The following SLC4A7 variants were observed in gnomAD, a reference collection of about 807,000 sequenced individuals.
The protein encoded by SLC4A7 is solute carrier family 4 member 7.
Under a neutral mutation model 137.6 loss-of-function variants are expected in SLC4A7, and 51 were observed. The observed-to-expected ratio is 0.37, with a 90% CI of 0.30 to 0.47. The LOEUF is 0.47. Among genes scored for constraint, SLC4A7 ranks in the 20% least tolerant of loss-of-function variants. The pLI is 1.00. For synonymous variants in SLC4A7, 542 were observed against 518.6 expected, an observed-to-expected ratio of 1.05 and a Z score of -0.61; for missense variants, 1,247 against 1,525.4, an observed-to-expected ratio of 0.82 and a Z score of 3.04.
At chr3:27,413,541 T>G (rs1383973102) in intron 11 of SLC4A7, among the ~76,000 whole-genome samples, 3 of 152,142 alleles carry the variant, frequency 2.0e-5, no homozygotes, top group Non-Finnish European at 4.4e-5. Context: ...CTGGGTTGAC[T>G]CCAGGAATTC....
intron 2 of SLC4A7, among the ~76,000 whole-genome samples, chr3:27,449,992 C>A (rs546011359): frequency 6.6e-6 from 1 of 152,112 alleles, no homozygotes; most frequent in Admixed American, 6.6e-5. Flanking sequence ...TACTTGTAAC[C>A]ACAAAATCAA....
At chr3:27,378,054 T>A (rs1188519021) in intron 25 of SLC4A7, among the ~76,000 whole-genome samples, 1 of 152,122 alleles carries the variant, frequency 6.6e-6, no homozygotes, top group Non-Finnish European at 1.5e-5. Context: ...CAATTACTAA[T>A]AGTAAAAAGA....
At position 27,389,982 on chromosome 3, in the gene SLC4A7, G is replaced by A. The variant is rs1464169905; in HGVS notation, c.3309C>T (p.Val1103=). ...CTGAAACTTTTATCACCCATAAAAG[G>A]ACCAAACAAGTAAGCTGAATGACTG... ...IFTVIQLTCL[V]LLWVIKVSAA... is the part of the protein sequence containing the mutation. Residue 1103 remains valine, a synonymous_variant, in exon 22 of 26, where the codon GTC becomes GTT. Transcript: ENST00000454389. 1 of 1,613,576 alleles carries A rather than the reference G, an allele frequency of 6.2e-7. No individual in the cohort carries two copies. The highest frequency in any genetic ancestry group is 1.7e-5 in the Admixed American group (1 of 59,954).
intron 1 of SLC4A7, among the ~76,000 whole-genome samples, chr3:27,460,801 T>G (rs1265806141): frequency 2.0e-5 from 3 of 152,236 alleles, no homozygotes; most frequent in African/African-American, 7.2e-5. Flanking sequence ...CCATGGCCTT[T>G]AAGAATCTAG....
At chr3:27,399,345 CT>C (rs1189865345) in intron 16 of SLC4A7, among the ~76,000 whole-genome samples, 1 of 152,192 alleles carries the variant, frequency 6.6e-6, no homozygotes, top group African/African-American at 2.4e-5. Context: ...TAACAAATCA[CT>C]TTCATTTGAA....
At position 27,431,645 on chromosome 3, in the gene SLC4A7, T is replaced by C. The variant is rs769734927; in HGVS notation, c.803A>G (p.His268Arg). The C allele has an allele frequency of 4.8e-5, 76 of 1,586,172 alleles. No homozygotes were observed. Among genetic ancestry groups the C allele is most frequent in the Non-Finnish European group, 6.3e-5 (74 of 1,165,898 alleles). The stretch of plus-strand genomic sequence containing the variant: ...GGCAGACAGACCTGTTCGCAAAGAG[T>C]GGCGGGAGGCTGAAAGGCCTTCCCC... Reference protein sequence around the residue: ...RNGEGLSASRHSLRTGLSASN... With the variant: ...RNGEGLSASRRSLRTGLSASN... Residue 268 changes from histidine (H) to arginine (R), a missense_variant, in exon 7 of 26, where the codon CAC becomes CGC. Physicochemically the swap from His to Arg is conservative, Grantham distance 29 (BLOSUM62 0). Transcript: ENST00000454389.
intron 1 of SLC4A7, among the ~76,000 whole-genome samples, chr3:27,461,208 GCA>G (rs57056562): frequency 0.029 from 4,320 of 149,918 alleles, 77 homozygotes; most frequent in African/African-American, 0.033. Flanking sequence ...CATCCAATTA[GCA>G]CACACACACA....
chr3:27,397,831 G>T (rs1207757375), intron 17 of SLC4A7, 34 bp from the exon 18 acceptor site: 5 of 1,135,090 alleles, frequency 4.4e-6, no homozygotes, highest in Admixed American at 2.0e-5. Flanking sequence ...TATAAACACA[G>T]AAATACTATG....
chr3:27,388,462 C>A (rs768848255), intron 22 of SLC4A7, among the ~76,000 whole-genome samples: 3 of 152,022 alleles, frequency 2.0e-5, no homozygotes, highest in Non-Finnish European at 4.4e-5. Context: ...AGCTTTTAAC[C>A]AATCTGACCC....
intron 23 of SLC4A7, among the ~76,000 whole-genome samples, chr3:27,383,586 T>C (rs775118777): frequency 1.3e-5 from 2 of 152,194 alleles, no homozygotes; most frequent in African/African-American, 2.4e-5. Context: ...CTTATCACAA[T>C]ACAATATGGG....
At chr3:27,436,269 T>C (rs2056734233) in intron 5 of SLC4A7, 119 bp downstream of exon 5, 9 of 646,980 alleles carry the variant, frequency 1.4e-5, no homozygotes, top group Non-Finnish European at 2.2e-5. Flanking sequence ...AAGACAAAAA[T>C]TCTATCTTAT....
At chr3:27,463,463 G>A (rs940535095) in intron 1 of SLC4A7, among the ~76,000 whole-genome samples, 4 of 151,280 alleles carry the variant, frequency 2.6e-5, no homozygotes, top group African/African-American at 4.8e-5. Context: ...AAAATTAGCC[G>A]AGCGTGGTGG....
chr3:27,435,990 T>A (rs146951200), intron 5 of SLC4A7, among the ~76,000 whole-genome samples: 148 of 152,356 alleles, frequency 9.7e-4, no homozygotes, highest in African/African-American at 3.2e-3. Flanking sequence ...TCTATACTTC[T>A]CTAGACTTTT....
intron 2 of SLC4A7, among the ~76,000 whole-genome samples, chr3:27,450,956 T>C (rs1047129835): frequency 4.6e-5 from 7 of 152,048 alleles, no homozygotes; most frequent in African/African-American, 1.7e-4. Flanking sequence ...AGGTTATGTA[T>C]AGGTGAGGGT....
At chr3:27,416,570 T>G (rs2054404297) in intron 11 of SLC4A7, among the ~76,000 whole-genome samples, 1 of 152,196 alleles carries the variant, frequency 6.6e-6, no homozygotes, top group African/African-American at 2.4e-5. Context: ...GCTATGAAGT[T>G]TGCATGCAAA....
intron 15 of SLC4A7, among the ~76,000 whole-genome samples, chr3:27,402,834 A>C (rs945898287): frequency 2.0e-5 from 3 of 150,424 alleles, no homozygotes; most frequent in Non-Finnish European, 4.5e-5. Flanking sequence ...GCCTGATTCA[A>C]ATATATAGTG....
chr3:27,377,826 C>T (rs1253329710), intron 25 of SLC4A7, among the ~76,000 whole-genome samples: 1 of 152,220 alleles, frequency 6.6e-6, no homozygotes, highest in Non-Finnish European at 1.5e-5. Context: ...CTATGGTTTG[C>T]TGTCTTCTCC....
At chr3:27,392,843 A>C (rs1329164312) in intron 20 of SLC4A7, among the ~76,000 whole-genome samples, 2 of 152,162 alleles carry the variant, frequency 1.3e-5, no homozygotes, top group Non-Finnish European at 2.9e-5. Context: ...AAAAGAAAAA[A>C]AAATGCTAGG....
rs533906320 is a variant in SLC4A7, at chr3:27,375,897, A to C, written c.*867T>G. On this transcript the variant is annotated 3_prime_UTR_variant, in exon 26 of 26. Coordinates refer to ENST00000454389, the MANE Select transcript of SLC4A7 (RefSeq NM_001321103.2). ...ACTTATAAGAGAATAATAGTCAAGAACTTGAACCTGATGGAAACTAAAGCA... is the reference window on the plus strand; with the variant it reads ...ACTTATAAGAGAATAATAGTCAAGACCTTGAACCTGATGGAAACTAAAGCA... 4.6e-5 allele frequency: 7 copies of C among 152,186 alleles called. No individual in the cohort carries two copies. Among genetic ancestry groups the C allele is most frequent in the Non-Finnish European group, 8.8e-5 (6 of 67,920 alleles). 9.4% of individuals were successfully genotyped at this position (152,186 alleles called of 1,614,324 possible). A position where few individuals can be genotyped will look rare whatever the true frequency, so the allele number is the denominator to read the frequency against.
Sources: gnomAD v4.1 joint callset for allele counts (sites outside exome capture counted in the v4.1 genomes callset) on GRCh38, gnomAD v4.1.1 for gene constraint, MANE v1.5 for transcripts, NCBI Gene and HGNC (gene_info 2026-07-23, HGNC 2026-07-21) for gene names.